The following YY1 variants were observed in gnomAD, a reference collection of about 807,000 sequenced individuals.
YY1 encodes the protein YY1 transcription factor.
A neutral mutation model predicts 35.6 loss-of-function variants in YY1; 2 were observed. That is an observed-to-expected ratio of 0.06 (90% CI 0.02 to 0.18). The LOEUF is 0.18. Among genes scored for constraint, YY1 ranks in the 10% least tolerant of loss-of-function variants. YY1 has a pLI of 1.00. For synonymous variants in YY1, 268 were observed against 238.9 expected (o/e 1.12, Z -1.12); for missense variants, 322 against 573.4 (o/e 0.56, Z 4.48).
intron 1 of YY1, among the ~76,000 whole-genome samples, chr14:100,259,506 C>T (rs774353746): frequency 4.0e-5 from 6 of 150,828 alleles, no homozygotes; most frequent in Non-Finnish European, 5.9e-5. Context: ...GGTGACAGAG[C>T]GAGACTCCGT....
chr14:100,259,175 A>G lies in YY1; in HGVS notation c.680-3129A>G, dbSNP rs566381194. Among the ~76,000 whole-genome samples, 3 of 152,320 alleles carry G rather than the reference A, an allele frequency of 2.0e-5. No individual in the cohort carries two copies. The East Asian group carries it at 5.8e-4, about 29-fold the overall frequency. On this transcript the variant is annotated intron_variant, in intron 1 of 4. Coordinates refer to ENST00000262238, the MANE Select transcript of YY1 (RefSeq NM_003403.5). Reference sequence around the variant, plus strand: ...TGAAAATTTCGGAGTACCTATTTCTAATTTAGGCATCAAAGGTAGAAGAAG... The same window carrying G: ...TGAAAATTTCGGAGTACCTATTTCTGATTTAGGCATCAAAGGTAGAAGAAG...
At chr14:100,261,985 C>G (rs923731814) in intron 1 of YY1, among the ~76,000 whole-genome samples, 1 of 151,944 alleles carries the variant, frequency 6.6e-6, no homozygotes, top group Non-Finnish European at 1.5e-5. Context: ...CCTGTCTCTA[C>G]AATAAATAAA....
intron 1 of YY1, among the ~76,000 whole-genome samples, chr14:100,240,675 G>A (rs1159763156): frequency 6.6e-6 from 1 of 152,238 alleles, no homozygotes; most frequent in Admixed American, 6.5e-5. Flanking sequence ...CCGAGCGTCA[G>A]TCGGAGCCTG....
rs1404649541 is a variant in YY1 at position 100,239,207 on chromosome 14, C to T, written c.-38C>T. 1 of 1,448,022 alleles carries T rather than the reference C, an allele frequency of 6.9e-7. No individual in the cohort carries two copies. The highest frequency in any genetic ancestry group is 1.4e-5 in the South Asian group (1 of 73,586). 89.7% of individuals were successfully genotyped at this position (1,448,022 alleles called of 1,614,324 possible). On this transcript the variant is annotated 5_prime_UTR_variant, in exon 1 of 5. Transcript: ENST00000262238. ...CGCCCGCCCGCCCGCAGCCGAGGAG[C>T]CGAGGCCGCCGCGGCCGTGGCGGCG...
chr14:100,240,069 C>A, intron 1 of YY1, 146 bp downstream of exon 1: 1 of 636,562 alleles, frequency 1.6e-6, no homozygotes, highest in Non-Finnish European at 2.1e-6. Flanking sequence ...GCGGCGGGGG[C>A]GCGGCGGCGG....
chr14:100,261,156 A>G (rs1451651038), intron 1 of YY1, among the ~76,000 whole-genome samples: 1 of 151,998 alleles, frequency 6.6e-6, no homozygotes, highest in African/African-American at 2.4e-5. Context: ...GAGATGTCGT[A>G]CATTTCTTTG....
chr14:100,274,601 T>C, intron 2 of YY1, 97 bp from the exon 3 acceptor site: 1 of 1,027,824 alleles, frequency 9.7e-7, no homozygotes, highest in South Asian at 1.4e-5. Context: ...TTAGTTTGGG[T>C]ACCTATAAGG....
rs760256109 is a variant in YY1, at chr14:100,278,756, C to G, written c.*1156C>G. The G allele has an allele frequency of 6.6e-6, 1 of 152,276 alleles. No individual in the cohort carries two copies. The highest frequency in any genetic ancestry group is 2.1e-4 in the South Asian group (1 of 4,834). The allele number at this position is 152,276 out of a possible 1,614,324, so 9.4% of individuals were successfully genotyped here. Reference sequence around the variant, plus strand: ...GGTCATAGGCTGTGATTTTAGCCCCCGGCAAGTGTGAGTGAAGCATCTGTA... The same window carrying G: ...GGTCATAGGCTGTGATTTTAGCCCCGGGCAAGTGTGAGTGAAGCATCTGTA... On this transcript the variant is annotated 3_prime_UTR_variant, in exon 5 of 5. Transcript: ENST00000262238.
intron 2 of YY1, among the ~76,000 whole-genome samples, chr14:100,271,027 C>T (rs1047067739): frequency 3.3e-5 from 5 of 151,798 alleles, no homozygotes; most frequent in East Asian, 1.9e-4. Context: ...AGGCGGATCA[C>T]GAGGTCAGGA....
intron 1 of YY1, among the ~76,000 whole-genome samples, chr14:100,255,829 C>G (rs551026968): frequency 1.3e-5 from 2 of 152,320 alleles, no homozygotes; most frequent in African/African-American, 4.8e-5. Flanking sequence ...AGTTGTCTCC[C>G]TACTTGTGGA....
chr14:100,265,060 A>T (rs1891133473), intron 2 of YY1, among the ~76,000 whole-genome samples: 1 of 152,048 alleles, frequency 6.6e-6, no homozygotes, highest in Admixed American at 6.6e-5. Flanking sequence ...AGCTTGGGTG[A>T]CAGAGCAAAA....
At chr14:100,255,281 A>T (rs1345304525) in intron 1 of YY1, among the ~76,000 whole-genome samples, 1 of 152,146 alleles carries the variant, frequency 6.6e-6, no homozygotes, top group Non-Finnish European at 1.5e-5. Context: ...AACTTAGACC[A>T]ACAAAATATG....
intron 2 of YY1, among the ~76,000 whole-genome samples, chr14:100,272,524 G>C (rs1891256449): frequency 6.6e-6 from 1 of 151,844 alleles, no homozygotes; most frequent in Non-Finnish European, 1.5e-5. Context: ...ACATTGTTAG[G>C]GCCTTCACAA....
intron 2 of YY1, among the ~76,000 whole-genome samples, chr14:100,268,455 C>T (rs553024357): frequency 6.6e-6 from 1 of 152,200 alleles, no homozygotes; most frequent in South Asian, 2.1e-4. Flanking sequence ...GTAAAGTGAC[C>T]ACCTTTGTAT....
chr14:100,247,924 C>T (rs1318559139), intron 1 of YY1, among the ~76,000 whole-genome samples: 2 of 152,094 alleles, frequency 1.3e-5, no homozygotes, highest in Non-Finnish European at 2.9e-5. Flanking sequence ...TATTCCTTTA[C>T]AAACAGAACA....
In YY1 at chr14:100,241,662, T is replaced by C. The variant is rs1470383337; in HGVS notation, c.679+1739T>C. Among the ~76,000 whole-genome samples the C allele has an allele frequency of 2.0e-5, 3 of 152,198 alleles. No homozygotes were observed. In the South Asian group the frequency reaches 6.2e-4, roughly 31 times the overall value. ...TTTGGTAGCTCAAGAGATTACATACTGATCATGTTGGAACTAAAAGTCATG... is the reference window on the plus strand; with the variant it reads ...TTTGGTAGCTCAAGAGATTACATACCGATCATGTTGGAACTAAAAGTCATG... On this transcript the variant is annotated intron_variant, in intron 1 of 4. Transcript: ENST00000262238.
At chr14:100,274,641 C>A in intron 2 of YY1, 57 bp from the exon 3 acceptor site, 1 of 1,457,724 alleles carries the variant, frequency 6.9e-7, no homozygotes, top group Non-Finnish European at 9.6e-7. Context: ...ATGATTTATG[C>A]CAGTTGAGTC....
intron 1 of YY1, 21 bp downstream of exon 1, chr14:100,239,944 C>T (rs1287161863): frequency 3.3e-6 from 5 of 1,513,932 alleles, no homozygotes; most frequent in Non-Finnish European, 4.4e-6. Flanking sequence ...GCCGCGCGCC[C>T]CGGCCCCGGG....
intron 1 of YY1, among the ~76,000 whole-genome samples, chr14:100,244,002 G>A (rs1890790656): frequency 1.3e-5 from 2 of 151,886 alleles, no homozygotes; most frequent in Admixed American, 1.3e-4. Flanking sequence ...CAGCTACTCA[G>A]GAGGCTGAGG....
Sources: gnomAD v4.1 joint callset for allele counts (sites outside exome capture counted in the v4.1 genomes callset) on GRCh38, gnomAD v4.1.1 for gene constraint, MANE v1.5 for transcripts, NCBI Gene and HGNC (gene_info 2026-07-23, HGNC 2026-07-21) for gene names.